The following LEF1 variants were observed in gnomAD, a reference collection of about 807,000 sequenced individuals.
The protein encoded by LEF1 is lymphoid enhancer binding factor 1, also known as lymphoid enhancer-binding factor 1.
A neutral mutation model predicts 51.2 loss-of-function variants in LEF1; 14 were observed. That is an observed-to-expected ratio of 0.27 (90% CI 0.18 to 0.43). LEF1 has a LOEUF of 0.43. LEF1 is among the 20% of genes least tolerant of loss of function. The pLI, the probability that LEF1 is intolerant of heterozygous loss-of-function variation, is 1.00. For synonymous variants in LEF1, 185 were observed against 183.2 expected, an observed-to-expected ratio of 1.01 and a Z score of -0.08; for missense variants, 386 against 512.0, an observed-to-expected ratio of 0.75 and a Z score of 2.37.
At chr4:108,078,092 T>C in intron 8 of LEF1, 128 bp downstream of exon 8, 1 of 854,234 alleles carries the variant, frequency 1.2e-6, no homozygotes, top group South Asian at 1.6e-5. Context: ...TTCTTTAAAA[T>C]GCATCATATC....
intron 4 of LEF1, among the ~76,000 whole-genome samples, chr4:108,088,436 C>T (rs1329152268): frequency 2.0e-5 from 3 of 152,212 alleles, no homozygotes; most frequent in African/African-American, 7.2e-5. Flanking sequence ...GGTTTGCGCC[C>T]TGAGTGATGG....
chr4:108,075,901 C>T (rs1044624561), intron 8 of LEF1, among the ~76,000 whole-genome samples: 5 of 152,214 alleles, frequency 3.3e-5, no homozygotes, highest in Non-Finnish European at 5.9e-5. Context: ...AGAATCAAGA[C>T]TCCTCAGGAT....
chr4:108,052,559 T>A (rs1737070338), intron 11 of LEF1, among the ~76,000 whole-genome samples: 1 of 152,178 alleles, frequency 6.6e-6, no homozygotes, highest in South Asian at 2.1e-4. Flanking sequence ...GATTTGAGGG[T>A]GTGAACTCTT....
At chr4:108,106,113 T>A (rs1207183084) in intron 3 of LEF1, among the ~76,000 whole-genome samples, 1 of 152,054 alleles carries the variant, frequency 6.6e-6, no homozygotes, top group African/African-American at 2.4e-5. Context: ...CTCAGGGAGA[T>A]CAACGGTCTG....
intron 3 of LEF1, among the ~76,000 whole-genome samples, chr4:108,156,612 C>T (rs1306657477): frequency 2.6e-5 from 4 of 151,942 alleles, no homozygotes; most frequent in Non-Finnish European, 5.9e-5. Context: ...ATCAGCAGTC[C>T]CTGAGTTTAA....
Position 108,089,274 on chromosome 4 carries a change from A to T in LEF1, c.415-17T>A. 1 of 1,610,802 alleles carries T rather than the reference A, an allele frequency of 6.2e-7. No individual in the cohort carries two copies. The highest frequency in any genetic ancestry group is 1.1e-5 in the South Asian group (1 of 90,864). On this transcript the variant is annotated splice_polypyrimidine_tract_variant and intron_variant, in intron 3 of 11. Transcript: ENST00000265165. ...TTTATTTGACTGCAAAGTAACCACA[A>T]GGTCAATAGTTAATATGGATGCCCA...
chr4:108,157,230 A>G (rs1027816875), intron 3 of LEF1, among the ~76,000 whole-genome samples: 2 of 150,912 alleles, frequency 1.3e-5, no homozygotes, highest in African/African-American at 4.9e-5. Flanking sequence ...AAACACACAT[A>G]TAGCTCTTTC....
intron 9 of LEF1, among the ~76,000 whole-genome samples, chr4:108,064,820 G>A (rs1737961661): frequency 6.6e-6 from 1 of 151,978 alleles, no homozygotes; most frequent in African/African-American, 2.4e-5. Context: ...AGCTTAATGA[G>A]CCATTCCTTT....
chr4:108,156,859 G>C (rs1328972202), intron 3 of LEF1, among the ~76,000 whole-genome samples: 1 of 151,734 alleles, frequency 6.6e-6, no homozygotes, highest in African/African-American at 2.4e-5. Context: ...GAAGGGTGAG[G>C]GGGTAGGAGG....
chr4:108,062,043 T>C (rs941142093), intron 11 of LEF1, among the ~76,000 whole-genome samples: 1 of 152,186 alleles, frequency 6.6e-6, no homozygotes, highest in Admixed American at 6.5e-5. Flanking sequence ...GCTCCAACTG[T>C]GTGCTGGCCG....
At chr4:108,155,546 C>T (rs1211061346) in intron 3 of LEF1, among the ~76,000 whole-genome samples, 2 of 152,214 alleles carry the variant, frequency 1.3e-5, no homozygotes, top group African/African-American at 4.8e-5. Flanking sequence ...TCTGGAGTTT[C>T]CCGGGTAGAG....
rs546383297 is a variant in LEF1 at position 108,116,365 on chromosome 4, T to C, written c.415-27108A>G. 7.2e-5 allele frequency among the ~76,000 whole-genome samples: 11 copies of C among 152,070 alleles called. 1 individual carries two copies. The South Asian group carries it at 2.1e-3, about 29-fold the overall frequency. ...GTGAAACTCCATCTCTACAAAAAAA[T>C]AGAAAAGTTAGCTGGGCGTGGTGGC... On this transcript the variant is annotated intron_variant, in intron 3 of 11. Transcript: ENST00000265165.
chr4:108,088,580 C>T (rs1419116311), intron 4 of LEF1, among the ~76,000 whole-genome samples: 1 of 152,108 alleles, frequency 6.6e-6, no homozygotes, highest in Admixed American at 6.6e-5. Context: ...AAAGTAGAAG[C>T]AAATATTAAT....
intron 3 of LEF1, among the ~76,000 whole-genome samples, chr4:108,127,214 C>A (rs768634176): frequency 9.1e-4 from 139 of 152,192 alleles, no homozygotes; most frequent in Non-Finnish European, 1.6e-3. Flanking sequence ...GCTCAGTGAT[C>A]AGACGTGGGA....
chr4:108,114,330 C>T (rs912085190), intron 3 of LEF1, among the ~76,000 whole-genome samples: 5 of 152,018 alleles, frequency 3.3e-5, no homozygotes, highest in African/African-American at 7.2e-5. Flanking sequence ...TTGGCCTAAA[C>T]GATAAAGGGT....
chr4:108,092,682 T>C (rs1740100226), intron 3 of LEF1, among the ~76,000 whole-genome samples: 1 of 115,702 alleles, frequency 8.6e-6, no homozygotes, highest in African/African-American at 2.5e-5. Context: ...AGCGGAAGAA[T>C]AATCAACCAA....
intron 3 of LEF1, among the ~76,000 whole-genome samples, chr4:108,099,556 ATGTGTGTGTGTGTG>A (rs1245005290): frequency 6.0e-5 from 3 of 49,666 alleles, no homozygotes; most frequent in African/African-American, 2.1e-4. Flanking sequence ...GTGTGTGTGT[ATGTGTGTGTGTGTG>A]TATATATATA....
At chr4:108,083,162 CG>C (rs1739426322) in intron 5 of LEF1, 193 bp downstream of exon 5, 1 of 580,778 alleles carries the variant, frequency 1.7e-6, no homozygotes, top group African/African-American at 1.9e-5. Flanking sequence ...TATTAGCAAA[CG>C]GATCAATCCA....
At chr4:108,063,916 T>A (rs1325280586) in intron 10 of LEF1, among the ~76,000 whole-genome samples, 1 of 152,142 alleles carries the variant, frequency 6.6e-6, no homozygotes, top group African/African-American at 2.4e-5. Context: ...TTTAAATTTT[T>A]AAAAAACCCA....
Sources: gnomAD v4.1 joint callset for allele counts (sites outside exome capture counted in the v4.1 genomes callset) on GRCh38, gnomAD v4.1.1 for gene constraint, MANE v1.5 for transcripts, NCBI Gene and HGNC (gene_info 2026-07-23, HGNC 2026-07-21) for gene names.